The following STK38 variants were observed in gnomAD, a reference collection of about 807,000 sequenced individuals.
The protein encoded by STK38 is serine/threonine kinase 38.
Under a neutral mutation model 59.0 loss-of-function variants are expected in STK38, and 26 were observed. That is an observed-to-expected ratio of 0.44 (90% confidence interval 0.32 to 0.61). The LOEUF is 0.61. Among genes scored for constraint, STK38 ranks in the 20% least tolerant of loss-of-function variants. The probability of loss-of-function intolerance (pLI) is 0.04; values close to 1 mark genes in which losing one functional copy is unlikely to be tolerated. For missense variants in STK38, 433 were observed against 566.0 expected (o/e 0.76, Z 2.38); for synonymous variants, 175 against 176.6 (o/e 0.99, Z 0.07).
chr6:36,517,929 A>T, intron 5 of STK38, 89 bp from the exon 6 acceptor site: 1 of 1,464,898 alleles, frequency 6.8e-7, no homozygotes, highest in Non-Finnish European at 9.2e-7. Context: ...ACTGTGCTTA[A>T]ATACTGTTTT....
intron 5 of STK38, among the ~76,000 whole-genome samples, chr6:36,520,707 C>T (rs529720743): frequency 1.5e-4 from 23 of 152,258 alleles, no homozygotes; most frequent in Admixed American, 2.0e-4. Context: ...TATAGTGTCT[C>T]AAGACTTACC....
chr6:36,532,687 T>A (rs117292078), intron 2 of STK38, among the ~76,000 whole-genome samples: 8,082 of 151,784 alleles, frequency 0.053, 304 homozygotes, highest in South Asian at 0.14. Flanking sequence ...TCACCTCAGG[T>A]CAGGAATTCA....
At chr6:36,530,776 G>C (rs1777648915) in intron 2 of STK38, among the ~76,000 whole-genome samples, 1 of 148,264 alleles carries the variant, frequency 6.7e-6, no homozygotes, top group Non-Finnish European at 1.5e-5. Flanking sequence ...TGCAACCTCT[G>C]CTTCCCGGGT....
chr6:36,537,187 A>G (rs777427559), intron 2 of STK38, among the ~76,000 whole-genome samples: 1 of 152,228 alleles, frequency 6.6e-6, no homozygotes, highest in Non-Finnish European at 1.5e-5. Flanking sequence ...ATCATTAGTC[A>G]TCAGGGAAAT....
chr6:36,516,963 A>T (rs1028137157), intron 6 of STK38, among the ~76,000 whole-genome samples: 5 of 152,324 alleles, frequency 3.3e-5, no homozygotes, highest in Non-Finnish European at 7.4e-5. Context: ...TCATTCTACC[A>T]GACTCTTTTC....
At chr6:36,509,260 G>T (rs150033239) in intron 7 of STK38, among the ~76,000 whole-genome samples, 16 of 152,140 alleles carry the variant, frequency 1.1e-4, no homozygotes, top group African/African-American at 3.9e-4. Flanking sequence ...AAAGTGGGTT[G>T]CTCCTTTCCG....
At chr6:36,540,228 A>G (rs1424487817) in intron 1 of STK38, 21 bp from the exon 2 acceptor site, 2 of 1,612,766 alleles carry the variant, frequency 1.2e-6, no homozygotes, top group Non-Finnish European at 1.7e-6. Flanking sequence ...AGAAAAGAAG[A>G]GGTGTTAGAT....
chr6:36,525,696 G>A (rs1222699715), intron 2 of STK38, 54 bp from the exon 3 acceptor site: 21 of 1,465,772 alleles, frequency 1.4e-5, no homozygotes, highest in African/African-American at 4.2e-5. Context: ...ATAACTTTCT[G>A]AAAATTCTGT....
At chr6:36,506,994 T>A (rs922910581) in intron 8 of STK38, among the ~76,000 whole-genome samples, 5 of 152,200 alleles carry the variant, frequency 3.3e-5, no homozygotes, top group Admixed American at 1.3e-4. Flanking sequence ...AAAATTACCA[T>A]CAATTTTCCA....
At chr6:36,512,807 C>T (rs763200708) in intron 7 of STK38, among the ~76,000 whole-genome samples, 6 of 151,620 alleles carry the variant, frequency 4.0e-5, no homozygotes, top group Non-Finnish European at 8.8e-5. Context: ...ATTACAGGCA[C>T]GTGCCACCAC....
At chr6:36,543,067 C>T (rs1220552565) in intron 1 of STK38, among the ~76,000 whole-genome samples, 1 of 151,746 alleles carries the variant, frequency 6.6e-6, no homozygotes. Context: ...CAATAGCGCT[C>T]AATTTTTTTT....
intron 10 of STK38, among the ~76,000 whole-genome samples, chr6:36,498,820 G>A (rs1030089699): frequency 1.3e-5 from 2 of 151,776 alleles, no homozygotes; most frequent in Non-Finnish European, 2.9e-5. Context: ...TGAACTCCTG[G>A]GTTTAAGAGA....
In STK38 at chr6:36,540,019, C is replaced by T. The variant is rs551328733; in HGVS notation, c.131+53G>A. The T allele has an allele frequency of 8.2e-5, 132 of 1,604,710 alleles. No individual in the cohort carries two copies. The East Asian group carries it at 1.3e-3, about 16-fold the overall frequency. On this transcript the variant is annotated intron_variant, in intron 2 of 13. Transcript: ENST00000229812. The stretch of plus-strand genomic sequence containing the variant: ...TCAGCATTATAAGTGTTTTACAATA[C>T]GAGAAAGGAATGCCACAACCATGAC...
chr6:36,497,181 G>A (rs4140593), intron 12 of STK38, among the ~76,000 whole-genome samples: 59,814 of 152,034 alleles, frequency 0.39, 13,118 homozygotes, highest in African/African-American at 0.56. Context: ...AGGATGGCTA[G>A]AAAAGTGGCA....
intron 9 of STK38, among the ~76,000 whole-genome samples, chr6:36,501,163 A>AGACTGGTC (rs1486797124): frequency 2.0e-5 from 3 of 151,968 alleles, no homozygotes; most frequent in African/African-American, 7.3e-5. Context: ...CATCTTGCCC[A>AGACTGGTC]GACTGGTCTT....
At chr6:36,524,572 T>G (rs1211191431) in intron 3 of STK38, 109 bp from the exon 4 acceptor site, 1 of 1,138,622 alleles carries the variant, frequency 8.8e-7, no homozygotes, top group Non-Finnish European at 1.2e-6. Context: ...CCAAGTGGAC[T>G]AAGGATAATC....
At chr6:36,541,780 G>A (rs1488041014) in intron 1 of STK38, among the ~76,000 whole-genome samples, 1 of 151,812 alleles carries the variant, frequency 6.6e-6, no homozygotes, top group Non-Finnish European at 1.5e-5. Context: ...TGTAGGTAGT[G>A]GGAATAGAAA....
In STK38 at chr6:36,498,389, A is replaced by C. The variant is rs758641724; in HGVS notation, c.1050T>G (p.Ser350=). 1 of 1,614,028 alleles carries C rather than the reference A, an allele frequency of 6.2e-7. No homozygotes were observed. Among genetic ancestry groups the C allele is most frequent in the East Asian group, 2.2e-5 (1 of 44,868 alleles). ...TLTFPPEVPI[S]EKAKDLILRF... ...TCAAAATTAGATCCTTGGCTTTCTC[A>C]GAGATGGGAACTTCTGGAGGAAAAG... is the stretch of plus-strand genomic sequence containing the variant. Residue 350 remains serine, a synonymous_variant, in exon 11 of 14, where the codon TCT becomes TCG. Coordinates refer to ENST00000229812, the MANE Select transcript of STK38 (RefSeq NM_007271.4).
rs987112501 is a variant in STK38, at chr6:36,501,529, C to T, written c.835-1539G>A. Among the ~76,000 whole-genome samples, 4 of 150,740 alleles carry T rather than the reference C, an allele frequency of 2.7e-5. No individual in the cohort carries two copies. The East Asian group carries it at 5.8e-4, about 22-fold the overall frequency. On this transcript the variant is annotated intron_variant, in intron 9 of 13. Transcript: ENST00000229812. ...CCACATTAAAAAGATTAATAATTTGCCATATTTGTCTCAGATCATTTGTCT... is the reference window on the plus strand; with the variant it reads ...CCACATTAAAAAGATTAATAATTTGTCATATTTGTCTCAGATCATTTGTCT...
Sources: gnomAD v4.1 joint callset for allele counts (sites outside exome capture counted in the v4.1 genomes callset) on GRCh38, gnomAD v4.1.1 for gene constraint, MANE v1.5 for transcripts, NCBI Gene and HGNC (gene_info 2026-07-23, HGNC 2026-07-21) for gene names.